The following GNA12 variants were observed in gnomAD, a reference collection of about 807,000 sequenced individuals.
The protein encoded by GNA12 is guanine nucleotide-binding protein subunit alpha-12.
Under a neutral mutation model 26.0 loss-of-function variants are expected in GNA12, and 9 were observed. That is an observed-to-expected ratio of 0.35 (90% CI 0.21 to 0.60). GNA12 has a LOEUF of 0.60. Ranked by LOEUF, GNA12 falls within the 20% of genes least tolerant of loss-of-function variation. The pLI is 0.78. For synonymous variants in GNA12, 264 were observed against 219.6 expected (o/e 1.20, Z -1.79); for missense variants, 405 against 525.8 (o/e 0.77, Z 2.25).
intron 2 of GNA12, among the ~76,000 whole-genome samples, chr7:2,736,002 G>C (rs1461646617): frequency 1.3e-5 from 2 of 152,162 alleles, no homozygotes; most frequent in African/African-American, 2.4e-5. Flanking sequence ...CACCAACAGA[G>C]ACTGGACAAT....
At chr7:2,805,376 A>G (rs796297215) in intron 1 of GNA12, among the ~76,000 whole-genome samples, 50 of 152,352 alleles carry the variant, frequency 3.3e-4, no homozygotes, top group African/African-American at 8.7e-4. Flanking sequence ...ACAGTTATCA[A>G]GCCTGACCGA....
chr7:2,744,777 A>T (rs934504882), intron 2 of GNA12, among the ~76,000 whole-genome samples: 118 of 152,310 alleles, frequency 7.7e-4, no homozygotes, highest in Non-Finnish European at 1.5e-3. Context: ...TTGAAAAAAA[A>T]TTAGACAAAT....
chr7:2,834,266 T>G lies in GNA12; in HGVS notation c.309+9587A>C, dbSNP rs1778765295. The stretch of plus-strand genomic sequence containing the variant: ...AAGATGGTTCTCATTTGTGTATTCT[T>G]CTCCACTTGCTGAAATCCTACAAAA... On this transcript the variant is annotated intron_variant, in intron 1 of 3. Coordinates refer to ENST00000275364, the MANE Select transcript of GNA12 (RefSeq NM_007353.3). Among the ~76,000 whole-genome samples, 3 of 152,354 alleles carry G rather than the reference T, an allele frequency of 2.0e-5. No homozygotes were observed. The South Asian group carries it at 6.2e-4, about 32-fold the overall frequency.
At chr7:2,742,722 A>G (rs1002338395) in intron 2 of GNA12, among the ~76,000 whole-genome samples, 13 of 152,182 alleles carry the variant, frequency 8.5e-5, no homozygotes, top group African/African-American at 3.1e-4. Context: ...AATGCTTATA[A>G]ATTTTCTGTA....
chr7:2,801,426 T>A (rs1274368946), intron 1 of GNA12, among the ~76,000 whole-genome samples: 3 of 152,198 alleles, frequency 2.0e-5, no homozygotes, highest in Non-Finnish European at 4.4e-5. Context: ...ACACCAGGCC[T>A]TCCCCAACTA....
In GNA12 at chr7:2,749,387, C is replaced by T. The variant is rs545250866; in HGVS notation, c.526-15886G>A. 1.8e-3 allele frequency among the ~76,000 whole-genome samples: 272 copies of T among 152,166 alleles called. 3 individuals carry two copies. Among genetic ancestry groups the T allele is most frequent in the African/African-American group, 6.1e-3 (253 of 41,510 alleles). On this transcript the variant is annotated intron_variant, in intron 2 of 3. Transcript: ENST00000275364. ...GGACATGGATGAAACTAGAAACCAT[C>T]ATTGTCAGCAAACTATTGCAAGGAC... is the stretch of plus-strand genomic sequence containing the variant.
chr7:2,839,444 C>G (rs1052418724), intron 1 of GNA12, among the ~76,000 whole-genome samples: 1 of 152,140 alleles, frequency 6.6e-6, no homozygotes, highest in Admixed American at 6.5e-5. Flanking sequence ...AGTACAGTGG[C>G]GTGCTCTCTG....
chr7:2,815,078 A>G, intron 1 of GNA12: 1 of 1,324,234 alleles, frequency 7.6e-7, no homozygotes, highest in South Asian at 1.5e-5. Flanking sequence ...CTCCGAGGAC[A>G]CAACAGAGAA....
At chr7:2,763,191 AACACACACACACAC>A (rs56384682) in intron 2 of GNA12, 6,264 of 220,086 alleles carry the variant, frequency 0.028, 3 homozygotes, top group Middle Eastern at 0.041. Flanking sequence ...AAGACACCCC[AACACACACACACAC>A]ACACACACAC....
chr7:2,764,864 A>G (rs1374312053), intron 2 of GNA12: 1 of 152,198 alleles, frequency 6.6e-6, no homozygotes, highest in Admixed American at 6.5e-5. Context: ...CTCTTAGTGA[A>G]TGAGGTCCTC....
chr7:2,794,564 G>GC (rs1372855446), intron 2 of GNA12, among the ~76,000 whole-genome samples: 4 of 152,142 alleles, frequency 2.6e-5, no homozygotes, highest in African/African-American at 9.7e-5. Flanking sequence ...TTCGTGAGTT[G>GC]CCCATACCCA....
At chr7:2,835,621 A>T (rs1372026723) in intron 1 of GNA12, 1 of 730,236 alleles carries the variant, frequency 1.4e-6, no homozygotes, top group East Asian at 2.6e-5. Flanking sequence ...CAGTCCCGAG[A>T]TGGTGGCCAC....
intron 2 of GNA12, among the ~76,000 whole-genome samples, chr7:2,789,099 C>T (rs1184646745): frequency 1.4e-5 from 2 of 145,892 alleles, no homozygotes; most frequent in Non-Finnish European, 3.0e-5. Context: ...GAAGTACAGG[C>T]GTGAGCCACC....
chr7:2,838,183 G>C (rs1778892982), intron 1 of GNA12, among the ~76,000 whole-genome samples: 1 of 147,820 alleles, frequency 6.8e-6, no homozygotes, highest in Admixed American at 6.7e-5. Context: ...GTTCATGCCT[G>C]TAATCTCGGC....
At chr7:2,781,804 TAAC>T (rs1273407517) in intron 2 of GNA12, among the ~76,000 whole-genome samples, 2 of 152,070 alleles carry the variant, frequency 1.3e-5, no homozygotes, top group African/African-American at 4.8e-5. Flanking sequence ...TCTTCATCAA[TAAC>T]AACTACAACT....
chr7:2,814,777 G>C, intron 1 of GNA12: 1 of 1,123,282 alleles, frequency 8.9e-7, no homozygotes, highest in Middle Eastern at 2.2e-4. Flanking sequence ...ACACATCCTA[G>C]AAAGGGTTCC....
At chr7:2,826,174 T>C (rs911276271) in intron 1 of GNA12, among the ~76,000 whole-genome samples, 1 of 151,836 alleles carries the variant, frequency 6.6e-6, no homozygotes. Flanking sequence ...GTCAGGAGTT[T>C]GAAACCAGCC....
At chr7:2,762,378 G>A in intron 2 of GNA12, 1 of 442,808 alleles carries the variant, frequency 2.3e-6, no homozygotes, top group Non-Finnish European at 4.0e-6. Context: ...CGGTATGGCG[G>A]TTCCCACTTT....
At chr7:2,787,951 G>A (rs145601295) in intron 2 of GNA12, among the ~76,000 whole-genome samples, 205 of 152,232 alleles carry the variant, frequency 1.3e-3, no homozygotes, top group African/African-American at 4.8e-3. Flanking sequence ...GTCAAGAGTT[G>A]GAGACCAGCA....
Sources: gnomAD v4.1 joint callset for allele counts (sites outside exome capture counted in the v4.1 genomes callset) on GRCh38, gnomAD v4.1.1 for gene constraint, MANE v1.5 for transcripts, NCBI Gene and HGNC (gene_info 2026-07-23, HGNC 2026-07-21) for gene names.